The following MACROD2 variants were observed in gnomAD, a reference collection of about 807,000 sequenced individuals.
MACROD2 encodes mono-ADP ribosylhydrolase 2.
A neutral mutation model predicts 70.4 loss-of-function variants in MACROD2; 36 were observed. The observed-to-expected ratio is 0.51, with a 90% confidence interval of 0.39 to 0.68. The LOEUF (loss-of-function observed/expected upper bound fraction) is 0.68. MACROD2 is among the 30% of genes least tolerant of loss of function. The pLI is 0.00. For synonymous variants in MACROD2, 172 were observed against 178.8 expected (o/e 0.96, Z 0.30); for missense variants, 496 against 538.4 (o/e 0.92, Z 0.78).
intron 2 of MACROD2, among the ~76,000 whole-genome samples, chr20:14,015,979 G>A (rs2052984595): frequency 1.3e-5 from 2 of 152,004 alleles, no homozygotes; most frequent in Non-Finnish European, 2.9e-5. Flanking sequence ...AATTATTTTG[G>A]GTATTAACTA....
chr20:15,104,797 G>A (rs1054639460), intron 5 of MACROD2, among the ~76,000 whole-genome samples: 4 of 152,032 alleles, frequency 2.6e-5, no homozygotes, highest in Non-Finnish European at 4.4e-5. Flanking sequence ...TATTTAAAAA[G>A]CAATTTCAAC....
chr20:14,891,357 A>C (rs2073757693), intron 5 of MACROD2, among the ~76,000 whole-genome samples: 1 of 152,148 alleles, frequency 6.6e-6, no homozygotes, highest in Non-Finnish European at 1.5e-5. Flanking sequence ...ATGAGGAAAA[A>C]AGTATTAGTA....
At chr20:14,648,644 A>C (rs942357300) in intron 4 of MACROD2, among the ~76,000 whole-genome samples, 9 of 151,506 alleles carry the variant, frequency 5.9e-5, no homozygotes, top group African/African-American at 2.2e-4. Context: ...ATATCTATCT[A>C]TCTCACATAC....
intron 8 of MACROD2, among the ~76,000 whole-genome samples, chr20:15,562,219 G>C (rs1334872224): frequency 6.6e-6 from 1 of 151,912 alleles, no homozygotes; most frequent in East Asian, 1.9e-4. Context: ...TATATTTCTA[G>C]CTCTGTCCAT....
intron 15 of MACROD2, among the ~76,000 whole-genome samples, chr20:16,014,364 G>A (rs1013064367): frequency 1.3e-5 from 2 of 152,180 alleles, no homozygotes; most frequent in Non-Finnish European, 2.9e-5. Context: ...ATATTCTCCG[G>A]TTCTAAAAGA....
intron 3 of MACROD2, among the ~76,000 whole-genome samples, chr20:14,452,568 T>C (rs1014960504): frequency 2.0e-5 from 3 of 152,164 alleles, no homozygotes; most frequent in African/African-American, 7.2e-5. Flanking sequence ...CTCAGTGGCT[T>C]GTCTGATGTA....
intron 8 of MACROD2, among the ~76,000 whole-genome samples, chr20:15,766,339 C>A (rs1282404327): frequency 6.6e-6 from 1 of 152,162 alleles, no homozygotes; most frequent in Non-Finnish European, 1.5e-5. Context: ...TATTCCTTTT[C>A]AGAAATTGAG....
chr20:14,091,861 T>C (rs2054154990), intron 3 of MACROD2, among the ~76,000 whole-genome samples: 1 of 152,198 alleles, frequency 6.6e-6, no homozygotes, highest in Non-Finnish European at 1.5e-5. Flanking sequence ...TTGGATTCTT[T>C]TCAGTATTTT....
At chr20:15,793,514 G>A (rs1271479729) in intron 8 of MACROD2, among the ~76,000 whole-genome samples, 3 of 151,686 alleles carry the variant, frequency 2.0e-5, no homozygotes, top group Admixed American at 6.6e-5. Flanking sequence ...AAGATTCTGG[G>A]GCATTTTAAT....
intron 13 of MACROD2, among the ~76,000 whole-genome samples, chr20:15,983,756 A>G (rs1601270978): frequency 6.6e-6 from 1 of 152,348 alleles, no homozygotes; most frequent in Non-Finnish European, 1.5e-5. Context: ...TGCCATGTGC[A>G]CAATCATAAC....
At chr20:14,583,937 C>T (rs1981204449) in intron 4 of MACROD2, among the ~76,000 whole-genome samples, 1 of 152,128 alleles carries the variant, frequency 6.6e-6, no homozygotes, top group Admixed American at 6.5e-5. Context: ...ATCAATCCTC[C>T]TCAGAACCAG....
chr20:15,343,774 A>G (rs2078134777), intron 6 of MACROD2, among the ~76,000 whole-genome samples: 1 of 152,202 alleles, frequency 6.6e-6, no homozygotes, highest in South Asian at 2.1e-4. Context: ...CCAGAATACC[A>G]GTTATTCATA....
chr20:14,736,523 A>G (rs2071666731), intron 5 of MACROD2, among the ~76,000 whole-genome samples: 1 of 152,214 alleles, frequency 6.6e-6, no homozygotes, highest in Non-Finnish European at 1.5e-5. Context: ...TATATCAGTC[A>G]GTAACCAAAC....
intron 3 of MACROD2, among the ~76,000 whole-genome samples, chr20:14,188,886 A>G (rs1273724082): frequency 6.6e-6 from 1 of 152,156 alleles, no homozygotes; most frequent in Non-Finnish European, 1.5e-5. Context: ...CACATTATTT[A>G]GAGCTATTTA....
intron 8 of MACROD2, among the ~76,000 whole-genome samples, chr20:15,579,702 T>C (rs1253301527): frequency 6.6e-6 from 1 of 152,248 alleles, no homozygotes; most frequent in Non-Finnish European, 1.5e-5. Flanking sequence ...ATGCAATGCA[T>C]ACAGTGTAGT....
At chr20:14,509,495 G>A (rs973995283) in intron 4 of MACROD2, among the ~76,000 whole-genome samples, 1 of 151,992 alleles carries the variant, frequency 6.6e-6, no homozygotes, top group African/African-American at 2.4e-5. Context: ...AGTATATGAT[G>A]AACAATAATT....
intron 12 of MACROD2, among the ~76,000 whole-genome samples, chr20:15,938,712 C>T (rs2065704930): frequency 6.6e-6 from 1 of 152,098 alleles, no homozygotes; most frequent in Non-Finnish European, 1.5e-5. Context: ...TACTAAATCA[C>T]ACTTTAAATC....
intron 8 of MACROD2, among the ~76,000 whole-genome samples, chr20:15,649,066 T>TCCTCCCCTCCCCTCC: frequency 7.8e-6 from 1 of 128,806 alleles, no homozygotes; most frequent in East Asian, 2.5e-4. Flanking sequence ...TTTTCTTTTC[T>TCCTCCCCTCCCCTCC]CCTCCCCTCC....
At chr20:14,797,733 T>C (rs2072527283) in intron 5 of MACROD2, among the ~76,000 whole-genome samples, 1 of 152,078 alleles carries the variant, frequency 6.6e-6, no homozygotes, top group Admixed American at 6.6e-5. Flanking sequence ...TGAAGGATAT[T>C]TTATTAACAT....
Sources: allele counts gnomAD v4.1 joint callset (sites outside exome capture counted in the v4.1 genomes callset), GRCh38; gene constraint gnomAD v4.1.1; transcripts MANE v1.5; gene names NCBI Gene and HGNC (gene_info 2026-07-23, HGNC 2026-07-21).